GADD45GIP1: variants seen among roughly 807,000 people sequenced by gnomAD.
GADD45GIP1 encodes the protein large ribosomal subunit protein mL64.
A neutral mutation model predicts 22.1 loss-of-function variants in GADD45GIP1; 17 were observed. That is an observed-to-expected ratio of 0.77 (90% CI 0.53 to 1.15). GADD45GIP1 has a LOEUF of 1.15. Ranked by LOEUF, GADD45GIP1 falls within the 50% of genes most tolerant of loss-of-function variation. GADD45GIP1 has a pLI of 0.00. For missense variants in GADD45GIP1, 294 were observed against 314.0 expected (o/e 0.94, Z 0.48); for synonymous variants, 135 against 138.4 (o/e 0.98, Z 0.17).
At chr19:12,954,592 T>C in intron 1 of GADD45GIP1, 66 bp from the exon 2 acceptor site, 1 of 1,398,226 alleles carries the variant, frequency 7.2e-7, no homozygotes, top group Non-Finnish European at 9.8e-7. Flanking sequence ...CCCACCCATA[T>C]CTCACCCATA....
At position 12,957,021 on chromosome 19, in the gene GADD45GIP1, G is replaced by T. The variant is rs776667770; in HGVS notation, c.192C>A (p.Tyr64Ter). The stretch of plus-strand genomic sequence containing the variant: ...CGGGGACCACCCCGGAGGCGGCGCC[G>T]TAACGCGCGAACTGCTTAGCCGCGT... The part of the protein sequence containing the change: ...PRYAAKQFAR[Y>*]GAASGVVPGS... Residue 64 changes from tyrosine to a stop codon, truncating the protein, a stop_gained, in exon 1 of 2, where the codon TAC becomes TAA. Transcript: ENST00000316939. LOFTEE classifies it high-confidence loss of function. 7.5e-6 allele frequency: 12 copies of T among 1,596,650 alleles called. No homozygotes were observed. The highest frequency in any genetic ancestry group is 1.0e-5 in the Non-Finnish European group (12 of 1,178,658).
intron 1 of GADD45GIP1, among the ~76,000 whole-genome samples, chr19:12,955,105 A>G (rs1200337150): frequency 2.0e-5 from 3 of 151,518 alleles, no homozygotes; most frequent in Non-Finnish European, 2.9e-5. Context: ...CTCTCCCTCC[A>G]CCCTCCAAAA....
rs552412466 is a variant in GADD45GIP1, at chr19:12,957,090, G to T, written c.123C>A (p.Asp41Glu). ...PRRRPGPRWP[D>E]PEDLLTPRWQ... The stretch of plus-strand genomic sequence containing the variant: ...ACCGCGGGGTCAGGAGGTCCTCGGG[G>T]TCTGGCCACCGGGGTCCCGGCCTGC... Residue 41 changes from aspartate (D) to glutamate (E), a missense_variant, in exon 1 of 2, where the codon GAC becomes GAA. Asp to Glu is a conservative substitution (Grantham distance 45). Transcript: ENST00000316939. 2.6e-6 allele frequency: 4 copies of T among 1,517,846 alleles called. No individual in the cohort carries two copies. The East Asian group carries it at 7.8e-5, about 29-fold the overall frequency. 94.0% of individuals were successfully genotyped at this position (1,517,846 alleles called of 1,614,324 possible). A position where few individuals can be genotyped will look rare whatever the true frequency, so the allele number is the denominator to read the frequency against.
intron 1 of GADD45GIP1, among the ~76,000 whole-genome samples, chr19:12,955,341 C>T (rs916289490): frequency 2.0e-5 from 3 of 152,180 alleles, no homozygotes; most frequent in African/African-American, 7.2e-5. Flanking sequence ...CTATAATGGT[C>T]ATCTGGCTGA....
chr19:12,956,992 G>A lies in GADD45GIP1; in HGVS notation c.221C>T (p.Ser74Leu), dbSNP rs373898905. Residue 74 changes from serine (S) to leucine (L), a missense_variant, in exon 1 of 2, where the codon TCG becomes TTG. Ser to Leu is a moderately radical substitution (Grantham distance 145, BLOSUM62 -2). Coordinates refer to ENST00000316939, the MANE Select transcript of GADD45GIP1 (RefSeq NM_052850.4). Reference sequence around the variant, plus strand: ...CAGCTGCTCCGGCGACGGCCATAACGAACCGGGGACCACCCCGGAGGCGGC... The same window carrying A: ...CAGCTGCTCCGGCGACGGCCATAACAAACCGGGGACCACCCCGGAGGCGGC... ...YGAASGVVPG[S>L]LWPSPEQLRE... is the part of the protein sequence containing the mutation. 18 of 1,599,026 alleles carry A rather than the reference G, an allele frequency of 1.1e-5. No individual in the cohort carries two copies. Among genetic ancestry groups the A allele is most frequent in the Non-Finnish European group, 1.5e-5 (18 of 1,179,620 alleles).
At position 12,957,005 on chromosome 19, in the gene GADD45GIP1, C is replaced by T. The variant is rs1400700980; in HGVS notation, c.208G>A (p.Val70Met). The T allele has an allele frequency of 1.9e-6, 3 of 1,598,468 alleles. No homozygotes were observed. Among genetic ancestry groups the T allele is most frequent in the Non-Finnish European group, 2.5e-6 (3 of 1,179,358 alleles). Residue 70 changes from valine to methionine, a missense_variant, in exon 1 of 2, where the codon GTG (valine) becomes ATG (methionine). Transcript: ENST00000316939. ...GACGGCCATAACGAACCGGGGACCA[C>T]CCCGGAGGCGGCGCCGTAACGCGCG... ...QFARYGAASG[V>M]VPGSLWPSPE... is the part of the protein sequence containing the mutation.
At chr19:12,954,863 C>G (rs1372435413) in intron 1 of GADD45GIP1, among the ~76,000 whole-genome samples, 1 of 152,206 alleles carries the variant, frequency 6.6e-6, no homozygotes, top group Non-Finnish European at 1.5e-5. Context: ...TGAGCACTTC[C>G]TGTACAGAGG....
intron 1 of GADD45GIP1, among the ~76,000 whole-genome samples, chr19:12,955,584 A>C (rs866737081): frequency 1.1e-4 from 16 of 151,102 alleles, no homozygotes; most frequent in African/African-American, 2.9e-4. Flanking sequence ...GTCTGGCCCG[A>C]CGCGGTGGCT....
At position 12,954,066 on chromosome 19, in the gene GADD45GIP1, T is replaced by A; in HGVS notation, c.*142A>T. 1.3e-6 allele frequency: 1 copy of A among 758,462 alleles called. No homozygotes were observed. The highest frequency in any genetic ancestry group is 1.7e-5 in the South Asian group (1 of 57,158). 47.0% of individuals were successfully genotyped at this position (758,462 alleles called of 1,614,324 possible). A position where few individuals can be genotyped will look rare whatever the true frequency, so the allele number is the denominator to read the frequency against. On this transcript the variant is annotated 3_prime_UTR_variant, in exon 2 of 2. Transcript: ENST00000316939. Reference sequence around the variant, plus strand: ...AGGGCCTAGAGTCCCTGTCCCCTTTTGAGTACAGCCAAGTGGGGGATTCCC... The same window carrying A: ...AGGGCCTAGAGTCCCTGTCCCCTTTAGAGTACAGCCAAGTGGGGGATTCCC...
Position 12,956,923 on chromosome 19 carries a change from G to T in GADD45GIP1, c.290C>A (p.Ala97Glu), listed in dbSNP as rs1264413027. ...AEEREWYPSLATMQESLRVKQ... is the reference protein window; with the variant it reads ...AEEREWYPSLETMQESLRVKQ... ...CACCCGCAGCGACTCCTGCATGGTC[G>T]CCAGGCTCGGGTACCATTCGCGTTC... The change falls in exon 1 of 2, where the codon GCG becomes GAG. Residue 97 changes from alanine to glutamate, a missense_variant. By Grantham distance (107) the Ala-to-Glu change is moderately radical. Transcript: ENST00000316939. 1.3e-6 allele frequency: 2 copies of T among 1,599,654 alleles called. No homozygotes were observed. Among genetic ancestry groups the T allele is most frequent in the Admixed American group, 1.7e-5 (1 of 59,978 alleles).
chr19:12,956,973 C>T lies in GADD45GIP1; in HGVS notation c.240G>A (p.Glu80=). ...CTTCGGCCTCCAGCTCCCGCAGCTG[C>T]TCCGGCGACGGCCATAACGAACCGG... ...VVPGSLWPSP[E]QLRELEAEER... Residue 80 remains glutamate, a synonymous_variant, in exon 1 of 2, where the codon GAG becomes GAA. Coordinates refer to ENST00000316939, the MANE Select transcript of GADD45GIP1 (RefSeq NM_052850.4). The T allele has an allele frequency of 6.3e-7, 1 of 1,599,076 alleles. No homozygotes were observed. The highest frequency in any genetic ancestry group is 2.2e-5 in the East Asian group (1 of 44,840).
intron 1 of GADD45GIP1, among the ~76,000 whole-genome samples, chr19:12,955,209 TC>T (rs1465993669): frequency 1.3e-5 from 2 of 152,184 alleles, no homozygotes; most frequent in Non-Finnish European, 2.9e-5. Flanking sequence ...GGTTTTCTGT[TC>T]CTGTGTTAGT....
In GADD45GIP1 at chr19:12,953,161, C is replaced by A. The variant is rs1036155861; in HGVS notation, c.*1047G>T. The A allele has an allele frequency of 2.2e-5, 17 of 770,090 alleles. No homozygotes were observed. In the Admixed American group the frequency reaches 2.4e-4, roughly 11 times the overall value. The allele number at this position is 770,090 out of a possible 1,614,324, so 47.7% of individuals were successfully genotyped here. On this transcript the variant is annotated 3_prime_UTR_variant, in exon 2 of 2. Transcript: ENST00000316939. Reference sequence around the variant, plus strand: ...TTATTTAAGAAATGGAAAAAAAAATCAAAAATCTTAAAAAAACAAGCAAAC... The same window carrying A: ...TTATTTAAGAAATGGAAAAAAAAATAAAAAATCTTAAAAAAACAAGCAAAC...
chr19:12,955,318 A>C (rs1348720768), intron 1 of GADD45GIP1, among the ~76,000 whole-genome samples: 2 of 152,292 alleles, frequency 1.3e-5, no homozygotes, highest in South Asian at 4.1e-4. Context: ...TAGAAAAGTA[A>C]AAGAATTAAG....
Position 12,953,863 on chromosome 19 carries a change from C to A in GADD45GIP1, c.*345G>T. The A allele has an allele frequency of 4.3e-6, 1 of 230,288 alleles. No individual in the cohort carries two copies. Among genetic ancestry groups the A allele is most frequent in the South Asian group, 9.0e-5 (1 of 11,050 alleles). The allele number at this position is 230,288 out of a possible 1,614,324, so 14.3% of individuals were successfully genotyped here. On this transcript the variant is annotated 3_prime_UTR_variant, in exon 2 of 2. Transcript: ENST00000316939. The stretch of plus-strand genomic sequence containing the variant: ...AAGGACTGCTTCTCCCCGGCCCCCA[C>A]CATCATCACCACAGTCTGTTTTGGC...
intron 1 of GADD45GIP1, 95 bp from the exon 2 acceptor site, chr19:12,954,621 T>A (rs781057428): frequency 5.1e-6 from 5 of 982,586 alleles, no homozygotes; most frequent in Non-Finnish European, 7.5e-6. Context: ...CCCACGAGCC[T>A]GCCTCCTCAA....
chr19:12,956,501 A>T (rs1235688877), intron 1 of GADD45GIP1, among the ~76,000 whole-genome samples: 2 of 152,138 alleles, frequency 1.3e-5, no homozygotes, highest in African/African-American at 4.8e-5. Flanking sequence ...TAAAACTACA[A>T]AAATTTGCCG....
At position 12,954,252 on chromosome 19, in the gene GADD45GIP1, C is replaced by G; in HGVS notation, c.625G>C (p.Ala209Pro). The change falls in exon 2 of 2, where the codon GCT (alanine) becomes CCT (proline). Residue 209 changes from alanine to proline, a missense_variant. Transcript: ENST00000316939. ...GAGGCTGCTGGGTCTTGAGCCACAG[C>G]TGCAGCCAATGCAGCAGCTCGCGCC... Reference protein sequence around the residue: ...KEARAAALAAAVAQDPAASGA... With the variant: ...KEARAAALAAPVAQDPAASGA... The G allele has an allele frequency of 6.2e-7, 1 of 1,614,132 alleles. No individual in the cohort carries two copies. The highest frequency in any genetic ancestry group is 8.5e-7 in the Non-Finnish European group (1 of 1,180,010).
At chr19:12,956,769 C>T in intron 1 of GADD45GIP1, 94 bp downstream of exon 1, 1 of 1,059,102 alleles carries the variant, frequency 9.4e-7, no homozygotes, top group South Asian at 1.3e-5. Flanking sequence ...CATGCAGATG[C>T]TGCGACGTGA....
Sources: allele counts gnomAD v4.1 joint callset (sites outside exome capture counted in the v4.1 genomes callset), GRCh38; gene constraint gnomAD v4.1.1; transcripts MANE v1.5; gene names NCBI Gene and HGNC (gene_info 2026-07-23, HGNC 2026-07-21).